RB1: variants seen among roughly 807,000 people sequenced by gnomAD.
The protein encoded by RB1 is retinoblastoma-associated protein.
A neutral mutation model predicts 135.4 loss-of-function variants in RB1; 18 were observed. The ratio of observed to expected loss-of-function variants is 0.13; its 90% CI spans 0.09 to 0.20. The LOEUF (loss-of-function observed/expected upper bound fraction) is 0.20, where lower values mean the gene tolerates loss of function less well. RB1 is among the 10% of genes least tolerant of loss of function. The pLI, the probability that RB1 is intolerant of heterozygous loss-of-function variation, is 1.00. For synonymous variants in RB1, 365 were observed against 373.2 expected, an observed-to-expected ratio of 0.98 and a Z score of 0.25; for missense variants, 868 against 1,110.0, an observed-to-expected ratio of 0.78 and a Z score of 3.10.
In RB1 at chr13:48,457,597, C is replaced by T. The variant is rs117377819; in HGVS notation, c.1960+1248C>T. Among the ~76,000 whole-genome samples the T allele has an allele frequency of 2.9e-3, 447 of 152,328 alleles. 1 individual carries two copies. Among genetic ancestry groups the T allele is most frequent in the Middle Eastern group, 6.8e-3 (2 of 294 alleles). On this transcript the variant is annotated intron_variant, in intron 19 of 26. Coordinates refer to ENST00000267163, the MANE Select transcript of RB1 (RefSeq NM_000321.3). Reference sequence around the variant, plus strand: ...CAACAGGGACTCATCCTCTACTGCTCAGGAGCCCATCTGCCTCCTGCCGCC... The same window carrying T: ...CAACAGGGACTCATCCTCTACTGCTTAGGAGCCCATCTGCCTCCTGCCGCC...
chr13:48,416,202 G>A (rs1183659519), intron 17 of RB1: 2 of 152,224 alleles, frequency 1.3e-5, no homozygotes, highest in African/African-American at 4.8e-5. Flanking sequence ...GCAGAAGGTG[G>A]GTGATTTCTC....
At chr13:48,354,607 A>G (rs1226380146) in intron 6 of RB1, among the ~76,000 whole-genome samples, 1 of 152,170 alleles carries the variant, frequency 6.6e-6, no homozygotes, top group African/African-American at 2.4e-5. Context: ...ATGGAACTAC[A>G]AAAGACCCAG....
At position 48,480,375 on chromosome 13, in the gene RB1, G is replaced by GGCCGGGCGC; in HGVS notation, c.*304_*305insGCCGGGCGC. On this transcript the variant is annotated 3_prime_UTR_variant, in exon 27 of 27. Transcript: ENST00000267163. ...TTTATGGATAGTAAGAATGGCCCTA[G>GGCCGGGCGC]AGTGGGAGTCCTGATAACCCAGGCC... The GGCCGGGCGC allele has an allele frequency of 2.3e-6, 1 of 439,672 alleles. No individual in the cohort carries two copies. The highest frequency in any genetic ancestry group is 4.2e-6 in the Non-Finnish European group (1 of 239,292). The allele number at this position is 439,672 out of a possible 1,614,324, so 27.2% of individuals were successfully genotyped here.
At chr13:48,395,218 G>A (rs149557568) in intron 17 of RB1, among the ~76,000 whole-genome samples, 16 of 152,090 alleles carry the variant, frequency 1.1e-4, no homozygotes, top group Non-Finnish European at 2.1e-4. Flanking sequence ...CAAAAAGGAC[G>A]TCCACACAGA....
chr13:48,439,430 A>G (rs1207258743), intron 17 of RB1, among the ~76,000 whole-genome samples: 1 of 152,054 alleles, frequency 6.6e-6, no homozygotes, highest in Non-Finnish European at 1.5e-5. Flanking sequence ...ACTTTGAATC[A>G]TTAATCATAG....
chr13:48,472,090 T>C (rs988967876), intron 23 of RB1, among the ~76,000 whole-genome samples: 1 of 152,214 alleles, frequency 6.6e-6, no homozygotes, highest in Non-Finnish European at 1.5e-5. Flanking sequence ...AATTATATGT[T>C]ATCATGGGCT....
chr13:48,396,307 C>T (rs1332351526), intron 17 of RB1, among the ~76,000 whole-genome samples: 2 of 151,840 alleles, frequency 1.3e-5, no homozygotes, highest in African/African-American at 4.8e-5. Context: ...ATAAATAAAC[C>T]AACGGAACAG....
intron 23 of RB1, among the ~76,000 whole-genome samples, chr13:48,471,983 A>G (rs1039173806): frequency 6.6e-6 from 1 of 152,204 alleles, no homozygotes; most frequent in Non-Finnish European, 1.5e-5. Context: ...GCTGTTTTAA[A>G]TTCTCAGATG....
rs1952089249 is a variant in RB1, at chr13:48,307,303, A to G, written c.161A>G (p.Glu54Gly). 6.2e-7 allele frequency: 1 copy of G among 1,608,890 alleles called. No homozygotes were observed. Among genetic ancestry groups the G allele is most frequent in the African/African-American group, 1.3e-5 (1 of 74,804 alleles). Residue 54 changes from glutamate (E) to glycine (G), a missense_variant, in exon 2 of 27, where the codon GAA (glutamate) becomes GGA (glycine). Coordinates refer to ENST00000267163, the MANE Select transcript of RB1 (RefSeq NM_000321.3). ...LVRLEFEETE[E>G]PDFTALCQKL... ...AGGCTTGAGTTTGAAGAAACAGAAG[A>G]ACCTGATTTTACTGCATTATGTCAG...
At chr13:48,364,069 A>G (rs890280618) in intron 8 of RB1, among the ~76,000 whole-genome samples, 17 of 152,232 alleles carry the variant, frequency 1.1e-4, no homozygotes, top group Non-Finnish European at 2.4e-4. Context: ...AAGATATATC[A>G]TAGTTTTTGC....
chr13:48,305,136 G>C (rs1191075205), intron 1 of RB1, among the ~76,000 whole-genome samples: 1 of 152,278 alleles, frequency 6.6e-6, no homozygotes, highest in Non-Finnish European at 1.5e-5. Context: ...ATTGCAGAGG[G>C]AATGGGACTT....
At chr13:48,370,582 A>G (rs1299861889) in intron 11 of RB1, among the ~76,000 whole-genome samples, 1 of 152,224 alleles carries the variant, frequency 6.6e-6, no homozygotes, top group Non-Finnish European at 1.5e-5. Context: ...TATAGATGAT[A>G]TTACAAAGGA....
At chr13:48,347,975 A>G (rs1275728633) in intron 5 of RB1, 112 bp downstream of exon 5, 2 of 796,234 alleles carry the variant, frequency 2.5e-6, no homozygotes, top group Non-Finnish European at 4.2e-6. Context: ...AGGCTACTTC[A>G]TAAATTAAGC....
intron 12 of RB1, among the ~76,000 whole-genome samples, chr13:48,375,765 G>T (rs1474047728): frequency 6.6e-6 from 1 of 150,710 alleles, no homozygotes; most frequent in East Asian, 1.9e-4. Context: ...TTTTTGTGGA[G>T]ATGGTGTTTC....
At chr13:48,464,176 G>T (rs999610375) in intron 21 of RB1, among the ~76,000 whole-genome samples, 2 of 152,106 alleles carry the variant, frequency 1.3e-5, no homozygotes, top group Non-Finnish European at 2.9e-5. Flanking sequence ...GGAAAAGCCA[G>T]TATAAATGCA....
chr13:48,449,715 C>A (rs1041962656), intron 17 of RB1, among the ~76,000 whole-genome samples: 3 of 152,080 alleles, frequency 2.0e-5, no homozygotes, highest in African/African-American at 4.8e-5. Context: ...CAGAGCAAGA[C>A]CCTGTCTCTT....
At chr13:48,329,961 T>C in intron 2 of RB1, among the ~76,000 whole-genome samples, 1 of 152,070 alleles carries the variant, frequency 6.6e-6, no homozygotes, top group Non-Finnish European at 1.5e-5. Flanking sequence ...TTTAAGAAGA[T>C]TGAGATAATA....
At chr13:48,411,399 G>C (rs747124622) in intron 17 of RB1, 19 of 1,610,756 alleles carry the variant, frequency 1.2e-5, no homozygotes, top group East Asian at 2.2e-5. Flanking sequence ...TCAGGCAGCA[G>C]ATTCATTGTC....
chr13:48,374,706 T>C (rs1952801082), intron 12 of RB1, among the ~76,000 whole-genome samples: 1 of 152,238 alleles, frequency 6.6e-6, no homozygotes, highest in South Asian at 2.1e-4. Context: ...ATAAGCCCTT[T>C]CTTCTCATAT....
Sources: gnomAD v4.1 joint callset for allele counts (sites outside exome capture counted in the v4.1 genomes callset) on GRCh38, gnomAD v4.1.1 for gene constraint, MANE v1.5 for transcripts, NCBI Gene and HGNC (gene_info 2026-07-23, HGNC 2026-07-21) for gene names.